The following TASP1 variants were observed in gnomAD, a reference collection of about 807,000 sequenced individuals.
TASP1 encodes the protein threonine aspartase 1.
A neutral mutation model predicts 56.6 loss-of-function variants in TASP1; 16 were observed. The observed-to-expected ratio is 0.28, with a 90% CI of 0.19 to 0.43. The LOEUF (loss-of-function observed/expected upper bound fraction) is 0.43. TASP1 is among the 20% of genes least tolerant of loss of function. The pLI is 1.00. For missense variants in TASP1, 393 were observed against 511.6 expected (o/e 0.77, Z 2.24); for synonymous variants, 179 against 184.2 (o/e 0.97, Z 0.23).
the TASP1 span, among the ~76,000 whole-genome samples, chr20:13,319,579 A>G: frequency 9.2e-5 from 14 of 152,370 alleles, no homozygotes; most frequent in Admixed American, 8.5e-4. Flanking sequence ...GGCAGCTCGT[A>G]GAAGTATATC....
At chr20:13,303,634 G>A in the TASP1 span, among the ~76,000 whole-genome samples, 1 of 152,194 alleles carries the variant, frequency 6.6e-6, no homozygotes, top group African/African-American at 2.4e-5. Flanking sequence ...CAGTGGGCCT[G>A]GACTCCAATC....
the TASP1 span, among the ~76,000 whole-genome samples, chr20:13,341,913 C>T: frequency 6.6e-6 from 1 of 152,160 alleles, no homozygotes; most frequent in African/African-American, 2.4e-5. Flanking sequence ...CTCCTCCTCC[C>T]GCAGGCTAGC....
chr20:13,223,455 A>G, the TASP1 span, among the ~76,000 whole-genome samples: 2 of 152,224 alleles, frequency 1.3e-5, no homozygotes, highest in African/African-American at 2.4e-5. Context: ...TACAGATGCA[A>G]AAACTGAGGT....
chr20:13,249,162 TG>T, the TASP1 span, among the ~76,000 whole-genome samples: 2 of 152,158 alleles, frequency 1.3e-5, no homozygotes, highest in Non-Finnish European at 1.5e-5. Flanking sequence ...CACAAAGATC[TG>T]GGGGGAAAAA....
chr20:13,394,064 C>T (rs958388189), intron 13 of TASP1, among the ~76,000 whole-genome samples: 30 of 150,760 alleles, frequency 2.0e-4, no homozygotes, highest in Admixed American at 5.3e-4. Flanking sequence ...GCGGATCCCC[C>T]GAGGTCAGGA....
chr20:13,150,437 G>A, the TASP1 span, among the ~76,000 whole-genome samples: 1 of 152,092 alleles, frequency 6.6e-6, no homozygotes, highest in Non-Finnish European at 1.5e-5. Flanking sequence ...TTTAGAATTG[G>A]GGATTTTGAA....
intron 8 of TASP1, among the ~76,000 whole-genome samples, chr20:13,541,414 G>T (rs2045616351): frequency 6.6e-6 from 1 of 152,156 alleles, no homozygotes; most frequent in African/African-American, 2.4e-5. Flanking sequence ...TGAGTTCACT[G>T]CCAGGAGGAC....
At chr20:13,389,225 C>A (rs1200681656), downstream of TASP1, among the ~76,000 whole-genome samples, 4 of 152,188 alleles carry the variant, frequency 2.6e-5, no homozygotes, top group Non-Finnish European at 5.9e-5. Flanking sequence ...ATTTTAGGGA[C>A]TTCCATATTG....
At chr20:13,355,603 T>C in the TASP1 span, among the ~76,000 whole-genome samples, 125 of 152,348 alleles carry the variant, frequency 8.2e-4, no homozygotes, top group African/African-American at 2.8e-3. Context: ...CCACTACACA[T>C]GACTGAGGAA....
chr20:13,355,088 A>T, the TASP1 span, among the ~76,000 whole-genome samples: 2 of 152,200 alleles, frequency 1.3e-5, no homozygotes, highest in African/African-American at 2.4e-5. Flanking sequence ...GGGAGCAGGC[A>T]TATGGCGGTA....
At chr20:13,601,500 C>T (rs1283747665) in intron 4 of TASP1, among the ~76,000 whole-genome samples, 8 of 152,032 alleles carry the variant, frequency 5.3e-5, no homozygotes, top group African/African-American at 1.9e-4. Context: ...TCCATGAGTC[C>T]ATACTGATAT....
the TASP1 span, among the ~76,000 whole-genome samples, chr20:13,311,722 G>T: frequency 0.11 from 16,124 of 152,138 alleles, 1,351 homozygotes; most frequent in African/African-American, 0.23. Flanking sequence ...CTTATATGTG[G>T]AATCTAAAAA....
intron 11 of TASP1, among the ~76,000 whole-genome samples, chr20:13,474,857 G>T (rs2044662707): frequency 6.6e-6 from 1 of 151,984 alleles, no homozygotes; most frequent in Non-Finnish European, 1.5e-5. Context: ...AACTCACTGT[G>T]GTTTTAATTT....
intron 11 of TASP1, among the ~76,000 whole-genome samples, chr20:13,443,764 T>A (rs1419102560): frequency 2.6e-5 from 4 of 152,318 alleles, no homozygotes; most frequent in African/African-American, 9.6e-5. Flanking sequence ...AGAATTTGAA[T>A]GCATATTATT....
the TASP1 span, among the ~76,000 whole-genome samples, chr20:13,106,253 C>A: frequency 6.6e-6 from 1 of 152,122 alleles, no homozygotes; most frequent in African/African-American, 2.4e-5. Context: ...AGGAAAAGAA[C>A]ATTGATGCAA....
the TASP1 span, among the ~76,000 whole-genome samples, chr20:13,378,820 T>C: frequency 6.6e-6 from 1 of 152,360 alleles, no homozygotes; most frequent in African/African-American, 2.4e-5. Flanking sequence ...CCCTTTACCA[T>C]TATGTAATGC....
At chr20:13,504,610 G>C (rs2044063027) in intron 10 of TASP1, among the ~76,000 whole-genome samples, 1 of 151,908 alleles carries the variant, frequency 6.6e-6, no homozygotes, top group African/African-American at 2.4e-5. Flanking sequence ...ACATAACTCT[G>C]GTATAATGGT....
intron 8 of TASP1, among the ~76,000 whole-genome samples, chr20:13,545,198 C>T (rs6134905): frequency 6.6e-6 from 1 of 152,224 alleles, no homozygotes; most frequent in East Asian, 1.9e-4. Flanking sequence ...ACTCTTTATC[C>T]TTTCGTTCCT....
At chr20:13,564,009 A>G (rs2046433068) in intron 7 of TASP1, among the ~76,000 whole-genome samples, 1 of 152,212 alleles carries the variant, frequency 6.6e-6, no homozygotes, top group Admixed American at 6.5e-5. Context: ...TACTTTTACC[A>G]CTTCTAGTAC....
Sources: allele counts gnomAD v4.1 joint callset (sites outside exome capture counted in the v4.1 genomes callset), GRCh38; gene constraint gnomAD v4.1.1; transcripts MANE v1.5; gene names NCBI Gene and HGNC (gene_info 2026-07-23, HGNC 2026-07-21).